The following JAZF1 variants were observed in gnomAD, a reference collection of about 807,000 sequenced individuals.
JAZF1 encodes the protein juxtaposed with another zinc finger protein 1.
In JAZF1, 8 loss-of-function variants were observed where a neutral mutation model predicts 26.4. The observed-to-expected ratio is 0.30, with a 90% CI of 0.18 to 0.55. JAZF1 has a LOEUF of 0.55. Among genes scored for constraint, JAZF1 ranks in the 20% least tolerant of loss-of-function variants. The probability of loss-of-function intolerance (pLI) is 0.94; values close to 1 mark genes in which losing one functional copy is unlikely to be tolerated. For synonymous variants in JAZF1, 126 were observed against 122.3 expected (o/e 1.03, Z -0.20); for missense variants, 199 against 322.0 (o/e 0.62, Z 2.92).
intron 2 of JAZF1, among the ~76,000 whole-genome samples, chr7:27,960,281 T>C (rs1785166493): frequency 6.6e-6 from 1 of 152,214 alleles, no homozygotes; most frequent in African/African-American, 2.4e-5. Context: ...GGGAATCCAG[T>C]AGTGAGAATT....
chr7:28,042,416 A>G (rs1038113850), intron 1 of JAZF1, among the ~76,000 whole-genome samples: 1 of 152,190 alleles, frequency 6.6e-6, no homozygotes, highest in Non-Finnish European at 1.5e-5. Context: ...GACATGATCA[A>G]GTTTTAGAAA....
chr7:27,975,678 A>G (rs1359958163), intron 2 of JAZF1, among the ~76,000 whole-genome samples: 2 of 152,180 alleles, frequency 1.3e-5, no homozygotes, highest in African/African-American at 4.8e-5. Flanking sequence ...GTGTTTCTTT[A>G]TCACTGAATT....
At chr7:27,876,651 G>A (rs767820221) in intron 3 of JAZF1, among the ~76,000 whole-genome samples, 1 of 152,158 alleles carries the variant, frequency 6.6e-6, no homozygotes, top group Non-Finnish European at 1.5e-5. Flanking sequence ...ATTAGCTTTG[G>A]CAAGCAAGAA....
chr7:28,130,766 G>A (rs1368778790), intron 1 of JAZF1, among the ~76,000 whole-genome samples: 10 of 152,100 alleles, frequency 6.6e-5, no homozygotes, highest in Admixed American at 5.9e-4. Context: ...TCTCTCTCTC[G>A]AAAGGGTGCT....
At chr7:27,892,420 T>C (rs781224335) in intron 3 of JAZF1, among the ~76,000 whole-genome samples, 6 of 152,214 alleles carry the variant, frequency 3.9e-5, no homozygotes, top group Admixed American at 6.5e-5. Context: ...CAAACATTCT[T>C]ACATGAAAAA....
chr7:28,008,649 T>C (rs565350106), intron 1 of JAZF1, among the ~76,000 whole-genome samples: 61 of 152,326 alleles, frequency 4.0e-4, no homozygotes, highest in African/African-American at 1.5e-3. Context: ...ACCTGAATTA[T>C]TTGCATAAAG....
intron 1 of JAZF1, among the ~76,000 whole-genome samples, chr7:28,083,877 A>C (rs752989071): frequency 2.0e-5 from 3 of 151,952 alleles, no homozygotes; most frequent in Non-Finnish European, 4.4e-5. Flanking sequence ...GCTATTACTC[A>C]AGCAGGCTGG....
intron 2 of JAZF1, among the ~76,000 whole-genome samples, chr7:27,934,021 A>T (rs1784726123): frequency 6.6e-6 from 1 of 152,220 alleles, no homozygotes; most frequent in African/African-American, 2.4e-5. Context: ...GAAGTCAACC[A>T]CTTGAAAGTT....
intron 3 of JAZF1, among the ~76,000 whole-genome samples, chr7:27,861,385 G>A (rs1349507486): frequency 6.6e-6 from 1 of 151,496 alleles, no homozygotes; most frequent in East Asian, 1.9e-4. Flanking sequence ...CACACCTCCT[G>A]GACTAATCCT....
chr7:27,917,193 AT>A (rs1784455403), intron 2 of JAZF1, among the ~76,000 whole-genome samples: 1 of 152,144 alleles, frequency 6.6e-6, no homozygotes, highest in Non-Finnish European at 1.5e-5. Flanking sequence ...ACATTTTCTT[AT>A]TTATCTGCAT....
At chr7:27,974,225 A>T (rs1163985709) in intron 2 of JAZF1, among the ~76,000 whole-genome samples, 1 of 152,184 alleles carries the variant, frequency 6.6e-6, no homozygotes, top group Non-Finnish European at 1.5e-5. Flanking sequence ...TGAAGGAAGC[A>T]TGGGACTAGG....
intron 1 of JAZF1, among the ~76,000 whole-genome samples, chr7:28,060,222 G>A (rs1345233623): frequency 6.6e-6 from 1 of 151,988 alleles, no homozygotes; most frequent in Non-Finnish European, 1.5e-5. Context: ...TTGCTCCTTA[G>A]ACATATTTTC....
intron 1 of JAZF1, among the ~76,000 whole-genome samples, chr7:28,175,393 T>C (rs1386010351): frequency 6.6e-6 from 1 of 152,240 alleles, no homozygotes; most frequent in Non-Finnish European, 1.5e-5. Flanking sequence ...TAGGATTACA[T>C]ATTTATTTAG....
intron 1 of JAZF1, among the ~76,000 whole-genome samples, chr7:28,158,653 G>A (rs1380655489): frequency 1.3e-5 from 2 of 152,132 alleles, no homozygotes; most frequent in African/African-American, 4.8e-5. Flanking sequence ...AGATATAAAG[G>A]AGCAACAATA....
intron 3 of JAZF1, among the ~76,000 whole-genome samples, chr7:27,879,024 C>T (rs1401589438): frequency 6.6e-6 from 1 of 152,188 alleles, no homozygotes; most frequent in Non-Finnish European, 1.5e-5. Flanking sequence ...TACAGCAATG[C>T]TGCTACTCTG....
intron 1 of JAZF1, among the ~76,000 whole-genome samples, chr7:28,143,581 A>G (rs1369931446): frequency 6.6e-6 from 1 of 152,200 alleles, no homozygotes; most frequent in African/African-American, 2.4e-5. Context: ...GAAGGAATTA[A>G]TAAATGGGAA....
At chr7:27,898,311 GT>G (rs370764659) in intron 2 of JAZF1, among the ~76,000 whole-genome samples, 1,681 of 111,162 alleles carry the variant, frequency 0.015, 27 homozygotes, top group African/African-American at 0.05. Flanking sequence ...ATATACATCG[GT>G]TTTTTTTTTT....
At chr7:27,918,144 ACTC>A (rs1784473500) in intron 2 of JAZF1, among the ~76,000 whole-genome samples, 1 of 152,096 alleles carries the variant, frequency 6.6e-6, no homozygotes, top group Non-Finnish European at 1.5e-5. Flanking sequence ...CAAAAAATAA[ACTC>A]CTGTTGTGTT....
intron 1 of JAZF1, among the ~76,000 whole-genome samples, chr7:28,111,071 A>G (rs1298179339): frequency 6.6e-6 from 1 of 152,206 alleles, no homozygotes; most frequent in Non-Finnish European, 1.5e-5. Context: ...GTAGACAACT[A>G]GATCTGGCTG....
Sources: allele counts gnomAD v4.1 joint callset (sites outside exome capture counted in the v4.1 genomes callset), GRCh38; gene constraint gnomAD v4.1.1; transcripts MANE v1.5; gene names NCBI Gene and HGNC (gene_info 2026-07-23, HGNC 2026-07-21).